Variants in TSPAN9 observed in about 807,000 individuals in gnomAD.
The protein encoded by TSPAN9 is tetraspanin 9.
In TSPAN9, 16 loss-of-function variants were observed where a neutral mutation model predicts 31.0. The ratio of observed to expected loss-of-function variants is 0.52; its 90% CI spans 0.35 to 0.78. TSPAN9 has a LOEUF of 0.78. TSPAN9 is among the 30% of genes least tolerant of loss of function. TSPAN9 has a pLI of 0.01. For synonymous variants in TSPAN9, 145 were observed against 121.6 expected (o/e 1.19, Z -1.27); for missense variants, 272 against 312.5 (o/e 0.87, Z 0.98).
At chr12:3,117,129 AG>A (rs1250168207) in intron 2 of TSPAN9, among the ~76,000 whole-genome samples, 1 of 152,202 alleles carries the variant, frequency 6.6e-6, no homozygotes, top group Non-Finnish European at 1.5e-5. Flanking sequence ...ATTCCAGCTA[AG>A]GCCTGTCCCC....
rs917884393 is a variant in TSPAN9, at chr12:3,172,521, C to T, written c.-17-28656C>T. ...GGAACTTAAACGCCGCTTGCTGAGT[C>T]CCACCCTAGCGCATAGAATCATAAC... On this transcript the variant is annotated intron_variant, in intron 2 of 8. Transcript: ENST00000011898. This position sits in a 1 kb window ranked among gnomAD's most constrained non-coding sequence, Gnocchi z 4.8. 1 of 152,198 alleles carries T rather than the reference C, an allele frequency of 6.6e-6. No individual in the cohort carries two copies. The highest frequency in any genetic ancestry group is 1.5e-5 in the Non-Finnish European group (1 of 68,056). 9.4% of individuals were successfully genotyped at this position (152,198 alleles called of 1,614,324 possible).
At chr12:3,115,774 T>G (rs1292843455) in intron 2 of TSPAN9, among the ~76,000 whole-genome samples, 1 of 152,168 alleles carries the variant, frequency 6.6e-6, no homozygotes, top group Admixed American at 6.5e-5. Context: ...GCCCAGGATT[T>G]CAACATGAGA....
At chr12:3,198,551 AC>A (rs1159121196) in intron 2 of TSPAN9, among the ~76,000 whole-genome samples, 36 of 111,488 alleles carry the variant, frequency 3.2e-4, no homozygotes, top group African/African-American at 1.3e-3. Context: ...AGCACAGGCC[AC>A]CACCAGCACA....
chr12:3,272,429 A>G (rs1458546693), intron 3 of TSPAN9, among the ~76,000 whole-genome samples: 1 of 151,650 alleles, frequency 6.6e-6, no homozygotes, highest in African/African-American at 2.4e-5. Context: ...TAATCCAGGC[A>G]TGTTCTGGGC....
At chr12:3,183,017 G>A (rs1342485455) in intron 2 of TSPAN9, among the ~76,000 whole-genome samples, 2 of 152,314 alleles carry the variant, frequency 1.3e-5, no homozygotes, top group East Asian at 3.9e-4. Context: ...CTGCTCTGTC[G>A]GCTTTGCTGG....
intron 2 of TSPAN9, among the ~76,000 whole-genome samples, chr12:3,125,397 A>G (rs916628324): frequency 6.6e-6 from 1 of 152,122 alleles, no homozygotes; most frequent in African/African-American, 2.4e-5. Flanking sequence ...TACTTGGGAG[A>G]TGAGGCCTCT....
intron 2 of TSPAN9, among the ~76,000 whole-genome samples, chr12:3,196,169 C>T (rs1431788561): frequency 6.6e-6 from 1 of 152,152 alleles, no homozygotes; most frequent in Non-Finnish European, 1.5e-5. Flanking sequence ...GGGACGTGTT[C>T]CTAGAGCTGC....
At chr12:3,083,814 C>T (rs1248925869) in intron 2 of TSPAN9, 95 bp downstream of exon 2, 1 of 152,322 alleles carries the variant, frequency 6.6e-6, no homozygotes, top group African/African-American at 2.4e-5. Flanking sequence ...TGCCCTTTAA[C>T]TGTGGGTTGG....
chr12:3,226,786 ATATATATATT>A (rs2098387994), intron 3 of TSPAN9, among the ~76,000 whole-genome samples: 1 of 5,646 alleles, frequency 1.8e-4, no homozygotes, highest in African/African-American at 8.3e-4. Context: ...ATATATATAT[ATATATATATT>A]TTTTTTTTTT....
At chr12:3,246,216 C>CAA (rs1862123635) in intron 3 of TSPAN9, among the ~76,000 whole-genome samples, 1 of 151,968 alleles carries the variant, frequency 6.6e-6, no homozygotes, top group Admixed American at 6.5e-5. Context: ...CACTTTCAAA[C>CAA]GACCCAGTCT....
intron 3 of TSPAN9, among the ~76,000 whole-genome samples, chr12:3,253,763 G>A (rs1283647451): frequency 6.6e-6 from 1 of 152,232 alleles, no homozygotes; most frequent in Non-Finnish European, 1.5e-5. Context: ...GTGACAGGGT[G>A]TTTGTTCTGG....
chr12:3,125,141 T>A (rs1241811469), intron 2 of TSPAN9: 1 of 152,016 alleles, frequency 6.6e-6, no homozygotes, highest in Non-Finnish European at 1.5e-5. Flanking sequence ...AATCCTAATT[T>A]TTTTTAAAAA....
intron 3 of TSPAN9, among the ~76,000 whole-genome samples, chr12:3,235,828 A>G (rs994730093): frequency 6.6e-6 from 1 of 152,026 alleles, no homozygotes; most frequent in Non-Finnish European, 1.5e-5. Context: ...GTGTGGGGGG[A>G]CAGCAGGTGC....
At position 3,208,630 on chromosome 12, in the gene TSPAN9, G is replaced by A. The variant is rs369129975; in HGVS notation, c.63+7374G>A. On this transcript the variant is annotated intron_variant, in intron 3 of 8. Coordinates refer to ENST00000011898, the MANE Select transcript of TSPAN9 (RefSeq NM_006675.5). ...AGAGCACACAGGGCTCCAGGTCCGG[G>A]TCACTTTCCCAACCAGAAACACCGT... is the stretch of plus-strand genomic sequence containing the variant. 2.6e-4 allele frequency among the ~76,000 whole-genome samples: 40 copies of A among 152,330 alleles called. No individual in the cohort carries two copies. The East Asian group carries it at 4.1e-3, about 15-fold the overall frequency.
intron 8 of TSPAN9, 83 bp downstream of exon 8, chr12:3,281,900 T>C (rs781421103): frequency 6.8e-7 from 1 of 1,465,850 alleles, no homozygotes; most frequent in Non-Finnish European, 9.5e-7. Context: ...GTGAAAGCAG[T>C]GTTGGTACAC....
intron 4 of TSPAN9, 72 bp downstream of exon 4, chr12:3,278,684 G>A (rs367935679): frequency 6.4e-7 from 1 of 1,555,074 alleles, no homozygotes; most frequent in Non-Finnish European, 8.7e-7. Context: ...GGACAGGCAA[G>A]ACCTGGAATA....
chr12:3,175,250 C>T (rs908171844), intron 2 of TSPAN9, among the ~76,000 whole-genome samples: 3 of 152,184 alleles, frequency 2.0e-5, no homozygotes. Flanking sequence ...AGAAGTGGCA[C>T]GAGAGCGGTC....
At chr12:3,094,036 T>C (rs542969013) in intron 2 of TSPAN9, among the ~76,000 whole-genome samples, 52 of 152,238 alleles carry the variant, frequency 3.4e-4, no homozygotes, top group African/African-American at 1.2e-3. Flanking sequence ...CTAATTATTA[T>C]TTATTTGTAG....
chr12:3,105,818 A>G, intron 2 of TSPAN9, among the ~76,000 whole-genome samples: 1 of 127,732 alleles, frequency 7.8e-6, no homozygotes. Flanking sequence ...ACACACGCAC[A>G]CGCGCACACA....
Sources: allele counts gnomAD v4.1 joint callset (sites outside exome capture counted in the v4.1 genomes callset), GRCh38; gene constraint gnomAD v4.1.1; non-coding constraint Gnocchi (gnomAD v3.1); transcripts MANE v1.5; gene names NCBI Gene and HGNC (gene_info 2026-07-23, HGNC 2026-07-21).